LAMA2: variants seen among roughly 807,000 people sequenced by gnomAD.
LAMA2 encodes the protein laminin subunit alpha 2.
LAMA2 carries 269 observed loss-of-function variants against 364.8 expected under a neutral mutation model. That is an observed-to-expected ratio of 0.74 (90% CI 0.67 to 0.82). The LOEUF is 0.82. Among genes scored for constraint, LAMA2 ranks in the 40% least tolerant of loss-of-function variants. LAMA2 has a pLI of 0.00. For missense variants in LAMA2, 3,807 were observed against 3,873.2 expected, an observed-to-expected ratio of 0.98 and a Z score of 0.45; for synonymous variants, 1,379 against 1,370.6, an observed-to-expected ratio of 1.01 and a Z score of -0.14.
chr6:129,070,253 G>A (rs9482979), intron 3 of LAMA2, among the ~76,000 whole-genome samples: 2,030 of 152,194 alleles, frequency 0.013, 57 homozygotes, highest in African/African-American at 0.047. Flanking sequence ...GCACACTGCT[G>A]CACTTTAGGT....
chr6:129,114,603 A>C (rs950399810), intron 4 of LAMA2, among the ~76,000 whole-genome samples: 6 of 151,962 alleles, frequency 3.9e-5, no homozygotes, highest in Non-Finnish European at 7.4e-5. Flanking sequence ...TTTTTAAAAA[A>C]ACTCTATATT....
chr6:129,246,305 C>T (rs992348397), intron 12 of LAMA2, among the ~76,000 whole-genome samples: 4 of 152,122 alleles, frequency 2.6e-5, no homozygotes, highest in African/African-American at 9.7e-5. Flanking sequence ...TACAAGTAAG[C>T]AGAAACATGG....
At chr6:129,349,527 A>G (rs1776742948) in intron 31 of LAMA2, 143 bp downstream of exon 31, 1 of 708,864 alleles carries the variant, frequency 1.4e-6, no homozygotes, top group East Asian at 2.8e-5. Context: ...TTTCAAAACC[A>G]CTTGTGTATC....
intron 33 of LAMA2, among the ~76,000 whole-genome samples, chr6:129,369,518 A>C (rs1777952780): frequency 6.6e-6 from 1 of 152,004 alleles, no homozygotes; most frequent in Non-Finnish European, 1.5e-5. Flanking sequence ...CCAGGCAAGG[A>C]GTTTATCTTA....
At chr6:129,242,526 C>A (rs1785463569) in intron 12 of LAMA2, among the ~76,000 whole-genome samples, 1 of 151,856 alleles carries the variant, frequency 6.6e-6, no homozygotes, top group Admixed American at 6.6e-5. Flanking sequence ...AATTTTGAAC[C>A]CTAGTCAATA....
intron 1 of LAMA2, among the ~76,000 whole-genome samples, chr6:128,942,552 G>T (rs551396441): frequency 2.6e-5 from 4 of 152,238 alleles, no homozygotes; most frequent in African/African-American, 9.6e-5. Context: ...GTATTTGTAT[G>T]TGGGTCTGAA....
At chr6:129,213,441 A>C (rs939881572) in intron 12 of LAMA2, among the ~76,000 whole-genome samples, 22 of 152,342 alleles carry the variant, frequency 1.4e-4, no homozygotes, top group African/African-American at 5.3e-4. Context: ...TAGTTTTGTA[A>C]TAAACTGCCA....
intron 10 of LAMA2, among the ~76,000 whole-genome samples, chr6:129,184,737 T>G (rs1024518685): frequency 1.3e-5 from 2 of 151,844 alleles, no homozygotes; most frequent in Non-Finnish European, 2.9e-5. Flanking sequence ...GTATTGGGAA[T>G]GGAGGCTAGT....
At chr6:129,393,320 C>A in intron 37 of LAMA2, 65 bp downstream of exon 37, 1 of 1,164,634 alleles carries the variant, frequency 8.6e-7, no homozygotes, top group East Asian at 2.4e-5. Flanking sequence ...CAGTGTTGAA[C>A]ATGGCTGGAC....
chr6:129,160,193 G>C (rs1200885658), intron 8 of LAMA2, among the ~76,000 whole-genome samples: 1 of 152,054 alleles, frequency 6.6e-6, no homozygotes, highest in African/African-American at 2.4e-5. Context: ...TAAAATGCTT[G>C]ATAAAATTTC....
At chr6:129,030,123 T>C (rs1786118807) in intron 1 of LAMA2, among the ~76,000 whole-genome samples, 1 of 152,140 alleles carries the variant, frequency 6.6e-6, no homozygotes, top group African/African-American at 2.4e-5. Flanking sequence ...GACTTGTATC[T>C]ACCTTTACTT....
At chr6:129,186,854 CA>C (rs978455998) in intron 10 of LAMA2, among the ~76,000 whole-genome samples, 4 of 151,368 alleles carry the variant, frequency 2.6e-5, no homozygotes, top group African/African-American at 9.7e-5. Flanking sequence ...GGAACTAAAG[CA>C]AAAAAGAAAA....
intron 45 of LAMA2, 123 bp downstream of exon 45, chr6:129,445,944 C>A: frequency 1.1e-6 from 1 of 935,472 alleles, no homozygotes; most frequent in Non-Finnish European, 1.7e-6. Context: ...TAACTCGAAG[C>A]GATTTGGGGT....
At chr6:129,429,240 T>C (rs1159838385) in intron 41 of LAMA2, among the ~76,000 whole-genome samples, 1 of 152,212 alleles carries the variant, frequency 6.6e-6, no homozygotes, top group Non-Finnish European at 1.5e-5. Flanking sequence ...CTAATTAATA[T>C]TCCATCTTCT....
intron 44 of LAMA2, among the ~76,000 whole-genome samples, chr6:129,444,898 T>C (rs1382997679): frequency 6.6e-6 from 1 of 152,260 alleles, no homozygotes; most frequent in East Asian, 1.9e-4. Context: ...ATAAGTGGTT[T>C]ACCACGTGGC....
intron 12 of LAMA2, among the ~76,000 whole-genome samples, chr6:129,202,231 AGGT>A (rs1035784763): frequency 6.6e-6 from 1 of 151,570 alleles, no homozygotes; most frequent in Non-Finnish European, 1.5e-5. Context: ...AAAACACAAC[AGGT>A]GCAGAGGAAC....
intron 33 of LAMA2, among the ~76,000 whole-genome samples, chr6:129,368,622 G>A (rs1777905734): frequency 6.6e-6 from 1 of 152,210 alleles, no homozygotes; most frequent in Non-Finnish European, 1.5e-5. Flanking sequence ...GGATGATGAA[G>A]TAAAGAGGAT....
At chr6:129,339,077 T>G (rs2451679) in intron 29 of LAMA2, among the ~76,000 whole-genome samples, 26,057 of 148,706 alleles carry the variant, frequency 0.18, 2,756 homozygotes, top group Non-Finnish European at 0.24. Flanking sequence ...CAAGAGAAGG[T>G]CATGGTTTGA....
At chr6:129,250,323 A>G in intron 13 of LAMA2, 110 bp downstream of exon 13, 1 of 724,844 alleles carries the variant, frequency 1.4e-6, no homozygotes, top group Non-Finnish European at 2.5e-6. Flanking sequence ...GGACTACTAA[A>G]AAAAAATATA....
Sources: allele counts gnomAD v4.1 joint callset (sites outside exome capture counted in the v4.1 genomes callset), GRCh38; gene constraint gnomAD v4.1.1; transcripts MANE v1.5; gene names NCBI Gene and HGNC (gene_info 2026-07-23, HGNC 2026-07-21).